FRMD5: variants seen among roughly 807,000 people sequenced by gnomAD.
FRMD5 encodes the protein FERM domain containing 5.
Under a neutral mutation model 69.0 loss-of-function variants are expected in FRMD5, and 20 were observed. The ratio of observed to expected loss-of-function variants is 0.29; its 90% CI spans 0.20 to 0.42. FRMD5 has a LOEUF of 0.42. Ranked by LOEUF, FRMD5 falls within the 10% of genes least tolerant of loss-of-function variation. FRMD5 has a pLI of 1.00. For synonymous variants in FRMD5, 271 were observed against 260.1 expected (o/e 1.04, Z -0.40); for missense variants, 595 against 708.6 (o/e 0.84, Z 1.82).
At chr15:44,193,439 CA>C (rs902517740) in intron 1 of FRMD5, among the ~76,000 whole-genome samples, 1 of 148,756 alleles carries the variant, frequency 6.7e-6, no homozygotes, top group African/African-American at 2.5e-5. Flanking sequence ...ACAAAAAAAG[CA>C]AAAAAAAACT....
intron 1 of FRMD5, among the ~76,000 whole-genome samples, chr15:44,130,225 G>C (rs1247056862): frequency 6.6e-6 from 1 of 152,164 alleles, no homozygotes; most frequent in Non-Finnish European, 1.5e-5. Context: ...AGGACCATGA[G>C]AGACTGACAT....
chr15:43,989,446 C>T, intron 1 of FRMD5: 1 of 796,360 alleles, frequency 1.3e-6, no homozygotes, highest in Non-Finnish European at 2.3e-6. Context: ...ATGATGATGA[C>T]CTGGCCGTCG....
intron 1 of FRMD5, among the ~76,000 whole-genome samples, chr15:44,014,314 T>C (rs1446494036): frequency 6.6e-6 from 1 of 152,148 alleles, no homozygotes; most frequent in Non-Finnish European, 1.5e-5. Context: ...AGTAGTATAG[T>C]AGAGAGGTTA....
intron 7 of FRMD5, among the ~76,000 whole-genome samples, chr15:43,897,058 G>A (rs748956158): frequency 2.6e-4 from 39 of 152,090 alleles, no homozygotes; most frequent in African/African-American, 9.2e-4. Flanking sequence ...AGGAATTCCT[G>A]GTGGAAACTG....
At chr15:43,955,468 G>C (rs139516617) in intron 1 of FRMD5, among the ~76,000 whole-genome samples, 1 of 152,172 alleles carries the variant, frequency 6.6e-6, no homozygotes, top group Non-Finnish European at 1.5e-5. Flanking sequence ...GCCAATGAAG[G>C]CCCAGTTATC....
chr15:43,940,884 G>T (rs1394773379), intron 1 of FRMD5, among the ~76,000 whole-genome samples: 3 of 152,158 alleles, frequency 2.0e-5, no homozygotes, highest in Admixed American at 6.5e-5. Flanking sequence ...TGGTGAATGG[G>T]TCATTAATAT....
At chr15:43,944,587 G>A (rs1055596046) in intron 1 of FRMD5, among the ~76,000 whole-genome samples, 3 of 151,346 alleles carry the variant, frequency 2.0e-5, no homozygotes, top group East Asian at 1.9e-4. Flanking sequence ...GAGCCGCCAC[G>A]ACCAGCTAAT....
At chr15:44,191,025 A>G (rs1205908938) in intron 1 of FRMD5, among the ~76,000 whole-genome samples, 1 of 152,186 alleles carries the variant, frequency 6.6e-6, no homozygotes, top group African/African-American at 2.4e-5. Flanking sequence ...TATTGGTTAT[A>G]CTATGGAAAT....
At chr15:44,136,137 C>G (rs181486905) in intron 1 of FRMD5, among the ~76,000 whole-genome samples, 2 of 151,982 alleles carry the variant, frequency 1.3e-5, no homozygotes, top group Admixed American at 1.3e-4. Context: ...CACCGTCTCC[C>G]GAGTAGCTGG....
chr15:43,971,837 G>T (rs1241304873), intron 1 of FRMD5, among the ~76,000 whole-genome samples: 1 of 149,118 alleles, frequency 6.7e-6, no homozygotes, highest in Non-Finnish European at 1.5e-5. Context: ...CTCCCGAGTA[G>T]CTGGGATTAC....
At chr15:44,112,145 A>G (rs1218326858) in intron 1 of FRMD5, among the ~76,000 whole-genome samples, 1 of 152,076 alleles carries the variant, frequency 6.6e-6, no homozygotes, top group Non-Finnish European at 1.5e-5. Context: ...GCCTGGCCAA[A>G]TACTTCTCTC....
chr15:43,953,027 A>G (rs1351268421), intron 1 of FRMD5, among the ~76,000 whole-genome samples: 1 of 152,220 alleles, frequency 6.6e-6, no homozygotes, highest in Non-Finnish European at 1.5e-5. Context: ...GAGCAGTTCC[A>G]CTAAGGCTTT....
At chr15:43,975,073 A>C (rs1264333210) in intron 1 of FRMD5, among the ~76,000 whole-genome samples, 1 of 152,226 alleles carries the variant, frequency 6.6e-6, no homozygotes, top group African/African-American at 2.4e-5. Flanking sequence ...AGAGCAGTGA[A>C]CCATGAGGAA....
At chr15:43,878,680 G>A (rs146332079) in intron 13 of FRMD5, among the ~76,000 whole-genome samples, 1 of 152,146 alleles carries the variant, frequency 6.6e-6, no homozygotes, top group African/African-American at 2.4e-5. Flanking sequence ...CATTGCATAG[G>A]GCGCCTGCCA....
intron 1 of FRMD5, chr15:43,989,340 G>A: frequency 1.3e-6 from 1 of 784,518 alleles, no homozygotes; most frequent in Non-Finnish European, 2.4e-6. Context: ...CACACTTCAT[G>A]ATGGAGTTGA....
intron 1 of FRMD5, among the ~76,000 whole-genome samples, chr15:43,944,963 T>A (rs568188937): frequency 7.8e-4 from 118 of 151,924 alleles, no homozygotes; most frequent in Admixed American, 2.2e-3. Context: ...TTATTTTTTT[T>A]TTTTTTGATA....
intron 1 of FRMD5, among the ~76,000 whole-genome samples, chr15:43,936,682 C>A (rs553770439): frequency 1.1e-3 from 171 of 151,362 alleles, no homozygotes; most frequent in Non-Finnish European, 2.1e-3. Context: ...TAACTCTAGA[C>A]ATTCACTTCA....
intron 8 of FRMD5, among the ~76,000 whole-genome samples, chr15:43,890,271 C>T (rs1442661840): frequency 6.6e-6 from 1 of 152,166 alleles, no homozygotes; most frequent in African/African-American, 2.4e-5. Flanking sequence ...ATTGGGTTTA[C>T]ATCTATTATT....
chr15:43,977,196 G>A (rs1386289700), intron 1 of FRMD5, among the ~76,000 whole-genome samples: 1 of 152,064 alleles, frequency 6.6e-6, no homozygotes, highest in African/African-American at 2.4e-5. Context: ...ACTGCAGGGG[G>A]CTGGGGAAGG....
Sources: gnomAD v4.1 joint callset for allele counts (sites outside exome capture counted in the v4.1 genomes callset) on GRCh38, gnomAD v4.1.1 for gene constraint, MANE v1.5 for transcripts, NCBI Gene and HGNC (gene_info 2026-07-23, HGNC 2026-07-21) for gene names.